TMPRSS11E: variants seen among roughly 807,000 people sequenced by gnomAD.
The protein encoded by TMPRSS11E is transmembrane protease serine 11E.
Under a neutral mutation model 48.1 loss-of-function variants are expected in TMPRSS11E, and 38 were observed. The ratio of observed to expected loss-of-function variants is 0.79; its 90% CI spans 0.61 to 1.04. The LOEUF (loss-of-function observed/expected upper bound fraction) is 1.04, where lower values mean the gene tolerates loss of function less well. Among genes scored for constraint, TMPRSS11E ranks in the 50% least tolerant of loss-of-function variants. The pLI is 0.00. For synonymous variants in TMPRSS11E, 158 were observed against 171.9 expected (o/e 0.92, Z 0.63); for missense variants, 530 against 510.8 (o/e 1.04, Z -0.36).
At chr4:68,459,000 C>T (rs1171399845) in intron 1 of TMPRSS11E, among the ~76,000 whole-genome samples, 6 of 152,058 alleles carry the variant, frequency 3.9e-5, no homozygotes, top group African/African-American at 1.2e-4. Flanking sequence ...ACTTATTATC[C>T]TTGTTTTTCA....
In TMPRSS11E at chr4:68,477,577, C is replaced by T; in HGVS notation, c.916C>T (p.Gln306Ter). 3.1e-6 allele frequency: 5 copies of T among 1,614,070 alleles called. No homozygotes were observed. The highest frequency in any genetic ancestry group is 3.4e-6 in the Non-Finnish European group (4 of 1,179,976). Residue 306 changes from glutamine to a stop codon, truncating the protein, a stop_gained, in exon 8 of 10, where the codon CAA becomes TAA. Coordinates refer to ENST00000305363, the MANE Select transcript of TMPRSS11E (RefSeq NM_014058.4). LOFTEE classifies it high-confidence loss of function. ...VCLPDASYEF[Q>*]PGDVMFVTGF... ...TCTCCCTGATGCATCCTATGAGTTT[C>T]AACCAGGTGATGTGATGTTTGTGAC...
At chr4:68,477,270 GA>G (rs557846817) in intron 7 of TMPRSS11E, 98 bp from the exon 8 acceptor site, 51 of 1,229,112 alleles carry the variant, frequency 4.1e-5, no homozygotes, top group Middle Eastern at 2.7e-4. Context: ...ACTATAAAAA[GA>G]AAAAAAAATC....
chr4:68,488,961 G>A (rs919371637), intron 9 of TMPRSS11E, among the ~76,000 whole-genome samples: 2 of 152,148 alleles, frequency 1.3e-5, no homozygotes, highest in Non-Finnish European at 2.9e-5. Context: ...ATTGACATCT[G>A]TATTCTGAAT....
Position 68,496,805 on chromosome 4 carries a change from G to A in TMPRSS11E, c.*1G>A, listed in dbSNP as rs1164227435. The stretch of plus-strand genomic sequence containing the variant: ...GATTACTTCAAAAACTGGTATCTAA[G>A]AGAGAAAAGCCTCATGGAACAGATA... On this transcript the variant is annotated 3_prime_UTR_variant, in exon 10 of 10. Transcript: ENST00000305363. The A allele has an allele frequency of 6.2e-7, 1 of 1,609,018 alleles. No individual in the cohort carries two copies. Among genetic ancestry groups the A allele is most frequent in the East Asian group, 2.2e-5 (1 of 44,800 alleles).
At chr4:68,468,789 G>C in intron 3 of TMPRSS11E, 90 bp from the exon 4 acceptor site, 1 of 1,007,456 alleles carries the variant, frequency 9.9e-7, no homozygotes, top group Non-Finnish European at 1.6e-6. Context: ...GCTCTGTTTT[G>C]TTTTTTAATT....
chr4:68,496,556 T>A, intron 9 of TMPRSS11E, 87 bp from the exon 10 acceptor site: 1 of 1,352,798 alleles, frequency 7.4e-7, no homozygotes, highest in East Asian at 2.4e-5. Flanking sequence ...AAATTACCCC[T>A]TTCATTACAT....
chr4:68,450,451 A>G (rs1264319451), intron 1 of TMPRSS11E, among the ~76,000 whole-genome samples: 1 of 151,934 alleles, frequency 6.6e-6, no homozygotes, highest in Non-Finnish European at 1.5e-5. Flanking sequence ...TTTAAAATAT[A>G]CTTTTTTCCC....
intron 4 of TMPRSS11E, among the ~76,000 whole-genome samples, chr4:68,469,476 C>T (rs769035457): frequency 2.4e-4 from 36 of 151,802 alleles, no homozygotes; most frequent in Non-Finnish European, 4.6e-4. Flanking sequence ...TGACATAATA[C>T]AAATTATTTG....
At chr4:68,476,552 T>G (rs748865735) in intron 7 of TMPRSS11E, 114 bp downstream of exon 7, 16 of 1,037,420 alleles carry the variant, frequency 1.5e-5, no homozygotes, top group Non-Finnish European at 2.1e-5. Context: ...AAAAATAGTG[T>G]GTATATCACA....
intron 9 of TMPRSS11E, among the ~76,000 whole-genome samples, chr4:68,491,298 GCAAAA>G (rs1560561545): frequency 7.6e-5 from 1 of 13,116 alleles, no homozygotes. Context: ...GATATATGAA[GCAAAA>G]AAAAAAAAAA....
At chr4:68,485,434 A>G (rs978595958) in intron 9 of TMPRSS11E, among the ~76,000 whole-genome samples, 1 of 152,148 alleles carries the variant, frequency 6.6e-6, no homozygotes, top group Admixed American at 6.5e-5. Context: ...GGCATGAGCC[A>G]CCGTGCCCAG....
chr4:68,453,600 A>T (rs35294647), intron 1 of TMPRSS11E, among the ~76,000 whole-genome samples: 21,864 of 151,956 alleles, frequency 0.14, 1,959 homozygotes, highest in Middle Eastern at 0.21. Flanking sequence ...TTTGCAAGAG[A>T]ATTAGTAAAT....
Position 68,478,897 on chromosome 4 carries a change from C to T in TMPRSS11E, c.1016C>T (p.Ala339Val), listed in dbSNP as rs753507758. ...CAAGCACAGGTGACTCTCATAGACG[C>T]TACAACTTGCAATGAACCTCAAGCT... ...LRQAQVTLIDATTCNEPQAYN... is the reference protein window; with the variant it reads ...LRQAQVTLIDVTTCNEPQAYN... The change falls in exon 9 of 10, where the codon GCT (alanine) becomes GTT (valine). Residue 339 changes from alanine to valine, a missense_variant. Physicochemically the swap from Ala to Val is moderately conservative, Grantham distance 64 (BLOSUM62 0). Coordinates refer to ENST00000305363, the MANE Select transcript of TMPRSS11E (RefSeq NM_014058.4). 1.2e-6 allele frequency: 2 copies of T among 1,614,040 alleles called. No individual in the cohort carries two copies. Among genetic ancestry groups the T allele is most frequent in the Non-Finnish European group, 1.7e-6 (2 of 1,179,988 alleles).
At chr4:68,476,629 G>C (rs1163344180) in intron 7 of TMPRSS11E, among the ~76,000 whole-genome samples, 191 bp downstream of exon 7, 1 of 152,180 alleles carries the variant, frequency 6.6e-6, no homozygotes, top group South Asian at 2.1e-4. Context: ...TGGAGTCAAA[G>C]TATATGTAAA....
At position 68,478,855 on chromosome 4, in the gene TMPRSS11E, G is replaced by C. The variant is rs774213731; in HGVS notation, c.974G>C (p.Ser325Thr). The C allele has an allele frequency of 6.2e-7, 1 of 1,613,386 alleles. No individual in the cohort carries two copies. The highest frequency in any genetic ancestry group is 1.7e-4 in the Middle Eastern group (1 of 6,052). The change falls in exon 9 of 10, where the codon AGT becomes ACT. Residue 325 changes from serine (S) to threonine (T), a missense_variant. Ser to Thr is a moderately conservative substitution (Grantham distance 58). Transcript: ENST00000305363. The part of the protein sequence containing the change: ...GFGALKNDGY[S>T]QNHLRQAQVT... The stretch of plus-strand genomic sequence containing the variant: ...AGACTTTTTTTTCTTTTAGGTTACA[G>C]TCAAAATCATCTTCGACAAGCACAG...
intron 1 of TMPRSS11E, among the ~76,000 whole-genome samples, chr4:68,456,355 T>C (rs945636594): frequency 6.6e-6 from 1 of 152,040 alleles, no homozygotes; most frequent in Non-Finnish European, 1.5e-5. Flanking sequence ...AGCGCCTGGC[T>C]GATGCTATCA....
chr4:68,494,203 C>T (rs1185142658), intron 9 of TMPRSS11E, among the ~76,000 whole-genome samples: 1 of 152,172 alleles, frequency 6.6e-6, no homozygotes, highest in Non-Finnish European at 1.5e-5. Flanking sequence ...CAGAATTCAA[C>T]TCTTGCCCAT....
chr4:68,489,635 G>A (rs1002620086), intron 9 of TMPRSS11E, among the ~76,000 whole-genome samples: 3 of 152,238 alleles, frequency 2.0e-5, no homozygotes, highest in African/African-American at 7.2e-5. Context: ...ACAGGGACCT[G>A]CCTTCAGGAG....
rs138236132 is a variant in TMPRSS11E, at chr4:68,476,836, G to A, written c.707+398G>A. Among the ~76,000 whole-genome samples the A allele has an allele frequency of 3.4e-3, 523 of 152,216 alleles. 3 individuals are homozygous for A. The highest frequency in any genetic ancestry group is 0.012 in the African/African-American group (494 of 41,548). On this transcript the variant is annotated intron_variant, in intron 7 of 9. Coordinates refer to ENST00000305363, the MANE Select transcript of TMPRSS11E (RefSeq NM_014058.4). ...CATGGTAAGAAAAAGAATTAAATAC[G>A]AAGAATTATGTAATGAAGATATGAA...
Sources: allele counts gnomAD v4.1 joint callset (sites outside exome capture counted in the v4.1 genomes callset), GRCh38; gene constraint gnomAD v4.1.1; transcripts MANE v1.5; gene names NCBI Gene and HGNC (gene_info 2026-07-23, HGNC 2026-07-21).